GOLGA8A: variants seen among roughly 807,000 people sequenced by gnomAD.
GOLGA8A encodes golgin A8 family member A.
A neutral mutation model predicts 22.1 loss-of-function variants in GOLGA8A; 3 were observed. That is an observed-to-expected ratio of 0.14 (90% CI 0.06 to 0.35). GOLGA8A has a LOEUF of 0.35. GOLGA8A is among the 10% of genes least tolerant of loss of function. GOLGA8A has a pLI of 1.00. For missense variants in GOLGA8A, 16 were observed against 233.2 expected (o/e 0.07, Z 6.07); for synonymous variants, 7 against 91.7 (o/e 0.08, Z 5.28).
At chr15:34,421,113 G>A (rs1390866343) in intron 2 of GOLGA8A, among the ~76,000 whole-genome samples, 2 of 140,662 alleles carry the variant, frequency 1.4e-5, no homozygotes, top group Admixed American at 7.5e-5. Flanking sequence ...ATGGGCCCTC[G>A]AGATCACACT....
At chr15:34,428,374 A>T (rs1438749265) in intron 2 of GOLGA8A, among the ~76,000 whole-genome samples, 1 of 148,530 alleles carries the variant, frequency 6.7e-6, no homozygotes, top group Non-Finnish European at 1.5e-5. Flanking sequence ...GGATTACAGC[A>T]TGAACCACCG....
chr15:34,436,608 C>T (rs1401702178), intron 1 of GOLGA8A, among the ~76,000 whole-genome samples: 1 of 150,142 alleles, frequency 6.7e-6, no homozygotes, highest in Non-Finnish European at 1.5e-5. Context: ...CCCGCACCCT[C>T]CCTCCGCGTC....
chr15:34,417,970 TTGTC>T (rs1231219812), intron 2 of GOLGA8A: 1 of 138,226 alleles, frequency 7.2e-6, no homozygotes, highest in Non-Finnish European at 1.6e-5. Context: ...CCTCCACAAA[TTGTC>T]TGGCCCAGTA....
At chr15:34,386,274 G>T (rs935284306) in intron 12 of GOLGA8A, among the ~76,000 whole-genome samples, 1 of 140,432 alleles carries the variant, frequency 7.1e-6, no homozygotes, top group Non-Finnish European at 1.5e-5. Context: ...AGCCCAAAAA[G>T]GAGAGGTGGC....
intron 1 of GOLGA8A, among the ~76,000 whole-genome samples, chr15:34,437,139 T>C (rs1893562026): frequency 6.8e-6 from 1 of 146,044 alleles, no homozygotes; most frequent in Non-Finnish European, 1.5e-5. Flanking sequence ...GCGAAAGCCA[T>C]CGCCTAGTCC....
At chr15:34,437,200 G>A (rs1420704298) in intron 1 of GOLGA8A, among the ~76,000 whole-genome samples, 198 bp downstream of exon 1, 1 of 147,152 alleles carries the variant, frequency 6.8e-6, no homozygotes, top group African/African-American at 2.5e-5. Context: ...GGTCCGAGAG[G>A]CGTAAGGCCG....
chr15:34,436,493 G>A (rs74184063), intron 1 of GOLGA8A, among the ~76,000 whole-genome samples: 14,111 of 149,578 alleles, frequency 0.094, 1,782 homozygotes, highest in South Asian at 0.25. Context: ...ATCTGAAAAA[G>A]TAAGCCTTTC....
At chr15:34,437,241 C>T (rs1432153546) in intron 1 of GOLGA8A, among the ~76,000 whole-genome samples, 157 bp downstream of exon 1, 1 of 146,332 alleles carries the variant, frequency 6.8e-6, no homozygotes, top group Non-Finnish European at 1.5e-5. Context: ...CCAGCGGCGG[C>T]CTCCCCGCAG....
chr15:34,417,997 T>C (rs889018359), intron 2 of GOLGA8A: 5 of 138,564 alleles, frequency 3.6e-5, no homozygotes, highest in African/African-American at 1.1e-4. Context: ...TACACATCGC[T>C]GAGGCTGAGA....
At chr15:34,431,804 A>T (rs1351206445) in intron 2 of GOLGA8A, among the ~76,000 whole-genome samples, 1 of 147,852 alleles carries the variant, frequency 6.8e-6, no homozygotes, top group Non-Finnish European at 1.5e-5. Context: ...TATTTTATAT[A>T]TTTTTTTAAA....
chr15:34,426,171 T>G (rs1273020518), intron 2 of GOLGA8A, among the ~76,000 whole-genome samples: 3 of 149,068 alleles, frequency 2.0e-5, no homozygotes, highest in African/African-American at 4.9e-5. Flanking sequence ...CTGTCAGCAT[T>G]CTCCGTGAGT....
intron 2 of GOLGA8A, among the ~76,000 whole-genome samples, chr15:34,425,068 C>A (rs78458016): frequency 0.064 from 8,975 of 141,000 alleles, 626 homozygotes; most frequent in South Asian, 0.17. Flanking sequence ...GCCTGGGTGA[C>A]AAAGTAAGAC....
intron 2 of GOLGA8A, among the ~76,000 whole-genome samples, chr15:34,423,024 C>T (rs1892846245): frequency 7.6e-6 from 1 of 131,804 alleles, no homozygotes; most frequent in East Asian, 2.3e-4. Flanking sequence ...AGAAATGGGG[C>T]ATTTGGGGAC....
In GOLGA8A at chr15:34,427,767, A is replaced by C. The variant is rs1232223110; in HGVS notation, c.-1123+7616T>G. On this transcript the variant is annotated intron_variant, in intron 2 of 24. Coordinates refer to ENST00000359187, the MANE Select transcript of GOLGA8A (RefSeq NM_181077.5). ...CAGCAAAACAAGACATGTTCAAAAG[A>C]AACAAGTGCACATAAATAAGCCAGG... Among the ~76,000 whole-genome samples, 10 of 142,264 alleles carry C rather than the reference A, an allele frequency of 7.0e-5. 1 individual carries two copies. In the South Asian group the frequency reaches 2.3e-3, roughly 33 times the overall value. The allele number at this position is 142,264 out of a possible 152,430, so 93.3% of individuals were successfully genotyped here.
At chr15:34,408,706 TG>T (rs1291051246) in intron 2 of GOLGA8A, among the ~76,000 whole-genome samples, 1 of 123,388 alleles carries the variant, frequency 8.1e-6, no homozygotes, top group Admixed American at 7.8e-5. Flanking sequence ...TGTCTCTGGC[TG>T]TGCCCTGTGG....
intron 2 of GOLGA8A, chr15:34,410,709 A>G (rs1398323165): frequency 1.1e-5 from 3 of 271,422 alleles, no homozygotes; most frequent in African/African-American, 2.6e-5. Context: ...GGTGCCTTAC[A>G]GTTCTAATGG....
At position 34,430,120 on chromosome 15, in the gene GOLGA8A, G is replaced by A. The variant is rs181511718; in HGVS notation, c.-1123+5263C>T. On this transcript the variant is annotated intron_variant, in intron 2 of 24. Transcript: ENST00000359187. ...GTGCTGATTAAGCACAGGCACGCCT[G>A]TGATCAAGAAGAAAACCATTACTTA... Among the ~76,000 whole-genome samples, 234 of 148,608 alleles carry A rather than the reference G, an allele frequency of 1.6e-3. 16 individuals carry two copies. Among genetic ancestry groups the A allele is most frequent in the African/African-American group, 5.4e-3 (219 of 40,346 alleles).
At chr15:34,434,368 G>A (rs1893396198) in intron 2 of GOLGA8A, among the ~76,000 whole-genome samples, 1 of 149,570 alleles carries the variant, frequency 6.7e-6, no homozygotes, top group African/African-American at 2.5e-5. Flanking sequence ...AAATCATAAA[G>A]CACACAGCAA....
At position 34,417,638 on chromosome 15, in the gene GOLGA8A, C is replaced by A. The variant is rs1341495606; in HGVS notation, c.-1122-9903G>T. ...ATAATAAACACTGTTAGAATGCATA[C>A]GGTAGTGTTTTATTTTTGCATTTTT... On this transcript the variant is annotated intron_variant, in intron 2 of 24. Transcript: ENST00000359187. 19 of 145,314 alleles carry A rather than the reference C, an allele frequency of 1.3e-4. 2 individuals carry two copies. Among genetic ancestry groups the A allele is most frequent in the African/African-American group, 4.8e-4 (19 of 39,688 alleles). 9.0% of individuals were successfully genotyped at this position (145,314 alleles called of 1,614,324 possible). A position where few individuals can be genotyped will look rare whatever the true frequency, so the allele number is the denominator to read the frequency against.
Sources: gnomAD v4.1 joint callset for allele counts (sites outside exome capture counted in the v4.1 genomes callset) on GRCh38, gnomAD v4.1.1 for gene constraint, MANE v1.5 for transcripts, NCBI Gene and HGNC (gene_info 2026-07-23, HGNC 2026-07-21) for gene names.